Variants in TRMT9B observed in about 807,000 individuals in gnomAD.
The protein encoded by TRMT9B is tRNA methyltransferase 9B (putative), also known as probable tRNA methyltransferase 9B.
Under a neutral mutation model 11.5 loss-of-function variants are expected in TRMT9B, and 16 were observed. That is an observed-to-expected ratio of 1.39 (90% CI 0.94 to 2.11). TRMT9B has a LOEUF of 2.11. Among genes scored for constraint, TRMT9B ranks in the 30% most tolerant of loss-of-function variants. TRMT9B has a pLI of 0.00. For missense variants in TRMT9B, 941 were observed against 553.8 expected (o/e 1.70, Z -7.02); for synonymous variants, 274 against 192.4 (o/e 1.42, Z -3.51).
At chr8:12,981,863 C>T (rs1805450340) in intron 1 of TRMT9B, among the ~76,000 whole-genome samples, 1 of 151,966 alleles carries the variant, frequency 6.6e-6, no homozygotes, top group South Asian at 2.1e-4. Flanking sequence ...CCTCCCAAAG[C>T]CAGTGTTGGG....
At chr8:12,966,166 C>T (rs1802794374) in intron 1 of TRMT9B, among the ~76,000 whole-genome samples, 1 of 151,712 alleles carries the variant, frequency 6.6e-6, no homozygotes. Context: ...CCCATCTCTA[C>T]AGAAAGTGAA....
At chr8:12,965,304 T>C (rs1204706003) in intron 1 of TRMT9B, among the ~76,000 whole-genome samples, 1 of 152,188 alleles carries the variant, frequency 6.6e-6, no homozygotes, top group Non-Finnish European at 1.5e-5. Context: ...ATCCAAGCTA[T>C]TGAGGAGCTC....
intron 2 of TRMT9B, among the ~76,000 whole-genome samples, chr8:12,993,341 A>G (rs1452853755): frequency 6.6e-6 from 1 of 152,230 alleles, no homozygotes; most frequent in Non-Finnish European, 1.5e-5. Context: ...CCTTGAATTC[A>G]TAGAAGGAAA....
At chr8:12,955,141 C>G (rs986504150) in intron 1 of TRMT9B, among the ~76,000 whole-genome samples, 8 of 152,138 alleles carry the variant, frequency 5.3e-5, no homozygotes, top group African/African-American at 1.9e-4. Context: ...TTTAATCCCC[C>G]ATCTGGGTAT....
chr8:12,972,376 A>T (rs1056383705), intron 1 of TRMT9B, among the ~76,000 whole-genome samples: 5 of 152,114 alleles, frequency 3.3e-5, no homozygotes, highest in Middle Eastern at 3.2e-3. Flanking sequence ...ATCTCTTGGG[A>T]GGAGACTTGC....
Position 12,990,895 on chromosome 8 carries a change from C to T in TRMT9B, c.-138C>T, listed in dbSNP as rs1485156597. 2 of 1,289,554 alleles carry T rather than the reference C, an allele frequency of 1.6e-6. No homozygotes were observed. Among genetic ancestry groups the T allele is most frequent in the Admixed American group, 2.3e-5 (1 of 43,554 alleles). 79.9% of individuals were successfully genotyped at this position (1,289,554 alleles called of 1,614,324 possible). A position where few individuals can be genotyped will look rare whatever the true frequency, so the allele number is the denominator to read the frequency against. On this transcript the variant is annotated 5_prime_UTR_variant, in exon 2 of 5. Coordinates refer to ENST00000524591, the MANE Select transcript of TRMT9B (RefSeq NM_020844.3). ...TATCATGAGAAGGACCGCACTATTTCATTTCACTCCTACAAGTTTTCATTT... is the reference window on the plus strand; with the variant it reads ...TATCATGAGAAGGACCGCACTATTTTATTTCACTCCTACAAGTTTTCATTT...
chr8:12,990,210 A>G (rs1488495294), intron 1 of TRMT9B, among the ~76,000 whole-genome samples: 1 of 152,214 alleles, frequency 6.6e-6, no homozygotes, highest in Non-Finnish European at 1.5e-5. Flanking sequence ...ACTTGCAGAC[A>G]AGCAATTAGG....
At chr8:13,001,894 C>G (rs974624599) in intron 2 of TRMT9B, among the ~76,000 whole-genome samples, 2 of 152,190 alleles carry the variant, frequency 1.3e-5, no homozygotes, top group Non-Finnish European at 2.9e-5. Context: ...CTCGCTTCAT[C>G]TGGAAACCCG....
chr8:12,962,486 C>G (rs767197251), intron 1 of TRMT9B, among the ~76,000 whole-genome samples: 1 of 150,794 alleles, frequency 6.6e-6, no homozygotes, highest in Admixed American at 6.6e-5. Context: ...TTTTTTTTTT[C>G]GTTTGTTTTT....
intron 4 of TRMT9B, among the ~76,000 whole-genome samples, chr8:13,015,978 C>G (rs558501475): frequency 1.3e-5 from 2 of 151,416 alleles, no homozygotes; most frequent in African/African-American, 2.4e-5. Flanking sequence ...GGCATGGTGA[C>G]GGGCACCTGA....
rs928088049 is a variant in TRMT9B at position 13,026,002 on chromosome 8, T to G, written c.*3958T>G. On this transcript the variant is annotated 3_prime_UTR_variant, in exon 5 of 5. Transcript: ENST00000524591. ...GCCAAAAAAAAAGCACTGGTGGATT[T>G]TAAATTAAATTAATACATATATACG... The G allele has an allele frequency of 3.6e-5, 6 of 167,056 alleles. No individual in the cohort carries two copies. The highest frequency in any genetic ancestry group is 4.4e-5 in the Non-Finnish European group (3 of 68,120). 10.3% of individuals were successfully genotyped at this position (167,056 alleles called of 1,614,324 possible). A position where few individuals can be genotyped will look rare whatever the true frequency, so the allele number is the denominator to read the frequency against.
In TRMT9B at chr8:13,021,904, A is replaced by C. The variant is rs1421441677; in HGVS notation, c.1225A>C (p.Met409Leu). The C allele has an allele frequency of 3.7e-6, 6 of 1,613,808 alleles. No individual in the cohort carries two copies. In the Middle Eastern group the frequency reaches 4.9e-4, roughly 133 times the overall value. Residue 409 changes from methionine (M) to leucine (L), a missense_variant, in exon 5 of 5, where the codon ATG (methionine) becomes CTG (leucine). Transcript: ENST00000524591. The stretch of plus-strand genomic sequence containing the variant: ...TGATGTTTTGGACTCCACAGCCTTT[A>C]TGCGCTACTACCATGTGTTTCGAGA... Reference protein sequence around the residue: ...QTDVLDSTAFMRYYHVFREGE... With the variant: ...QTDVLDSTAFLRYYHVFREGE...
chr8:12,989,539 G>T (rs1218729804), intron 1 of TRMT9B, among the ~76,000 whole-genome samples: 2 of 152,060 alleles, frequency 1.3e-5, no homozygotes, highest in Admixed American at 1.3e-4. Context: ...TCTTCTCATT[G>T]GTACTCTTAC....
intron 2 of TRMT9B, among the ~76,000 whole-genome samples, chr8:12,992,239 C>T (rs1424661787): frequency 2.0e-5 from 3 of 152,178 alleles, no homozygotes; most frequent in Non-Finnish European, 4.4e-5. Context: ...AAAAACATCA[C>T]ATTTCCATCT....
intron 4 of TRMT9B, among the ~76,000 whole-genome samples, chr8:13,014,494 G>C (rs1017298431): frequency 2.0e-5 from 3 of 152,042 alleles, no homozygotes; most frequent in African/African-American, 4.8e-5. Flanking sequence ...GAGAGAGATA[G>C]AGCAAGCTCT....
chr8:12,970,833 A>C (rs977336872), intron 1 of TRMT9B, among the ~76,000 whole-genome samples: 1 of 152,150 alleles, frequency 6.6e-6, no homozygotes, highest in Admixed American at 6.6e-5. Context: ...ACGTTTGGGA[A>C]CTGTGATAAG....
intron 1 of TRMT9B, among the ~76,000 whole-genome samples, chr8:12,975,768 A>G (rs1804352341): frequency 7.0e-6 from 1 of 143,258 alleles, no homozygotes. Flanking sequence ...ATAAAAATAA[A>G]TAAATTGATG....
intron 4 of TRMT9B, among the ~76,000 whole-genome samples, chr8:13,019,148 G>T (rs1397862160): frequency 2.0e-5 from 3 of 151,918 alleles, no homozygotes; most frequent in African/African-American, 7.3e-5. Context: ...TTATCAAGTG[G>T]GCAAATTCGC....
intron 1 of TRMT9B, among the ~76,000 whole-genome samples, chr8:12,971,055 C>A (rs1019524438): frequency 6.6e-6 from 1 of 152,118 alleles, no homozygotes; most frequent in Admixed American, 6.5e-5. Context: ...CACATGTATA[C>A]AATATGTGAT....
Sources: gnomAD v4.1 joint callset for allele counts (sites outside exome capture counted in the v4.1 genomes callset) on GRCh38, gnomAD v4.1.1 for gene constraint, MANE v1.5 for transcripts, NCBI Gene and HGNC (gene_info 2026-07-23, HGNC 2026-07-21) for gene names.